Variants in PRKN observed in about 807,000 individuals in gnomAD.
The protein encoded by PRKN is E3 ubiquitin-protein ligase parkin.
In PRKN, 56 loss-of-function variants were observed where a neutral mutation model predicts 59.5. The observed-to-expected ratio is 0.94, with a 90% confidence interval of 0.76 to 1.18. The LOEUF (loss-of-function observed/expected upper bound fraction) is 1.18, where lower values mean the gene tolerates loss of function less well. PRKN is among the 50% of genes most tolerant of loss of function. PRKN has a pLI of 0.00. For missense variants in PRKN, 657 were observed against 596.4 expected (o/e 1.10, Z -1.06); for synonymous variants, 250 against 222.1 (o/e 1.13, Z -1.12).
chr6:161,536,635 T>C (rs1054604176), intron 9 of PRKN, among the ~76,000 whole-genome samples: 2 of 152,198 alleles, frequency 1.3e-5, no homozygotes, highest in African/African-American at 4.8e-5. Flanking sequence ...GCATAGCCTA[T>C]AGAGTCGGTT....
Position 162,368,889 on chromosome 6 carries a change from G to T in PRKN, c.171+74421C>A, listed in dbSNP as rs1241632163. ...GCTCCCTTAGGCTACTTATAATATT[G>T]GCCTAGTTCTCTTAGCTGTCAGCAC... On this transcript the variant is annotated intron_variant, in intron 2 of 11. Coordinates refer to ENST00000366898, the MANE Select transcript of PRKN (RefSeq NM_004562.3). 2.0e-5 allele frequency among the ~76,000 whole-genome samples: 3 copies of T among 152,038 alleles called. No individual in the cohort carries two copies. The East Asian group carries it at 5.8e-4, about 29-fold the overall frequency.
In PRKN at chr6:162,337,694, C is replaced by T. The variant is rs537648448; in HGVS notation, c.172-74929G>A. 6.8e-4 allele frequency among the ~76,000 whole-genome samples: 103 copies of T among 152,240 alleles called. 1 individual carries two copies. Among genetic ancestry groups the T allele is most frequent in the African/African-American group, 1.7e-3 (72 of 41,544 alleles). ...ATCATCATTCCTCCTTGGCCCCATA[C>T]GGGCTGTGAGGACACCTGGGTCTAA... On this transcript the variant is annotated intron_variant, in intron 2 of 11. Coordinates refer to ENST00000366898, the MANE Select transcript of PRKN (RefSeq NM_004562.3).
intron 2 of PRKN, among the ~76,000 whole-genome samples, chr6:162,330,996 A>G (rs935877573): frequency 6.6e-6 from 1 of 152,096 alleles, no homozygotes; most frequent in Admixed American, 6.5e-5. Context: ...ATGCCCAGAT[A>G]TATCGTTTCA....
At chr6:162,408,575 C>T (rs919261905) in intron 2 of PRKN, among the ~76,000 whole-genome samples, 1 of 152,104 alleles carries the variant, frequency 6.6e-6, no homozygotes, top group African/African-American at 2.4e-5. Context: ...AATTTGCAAA[C>T]GTACCACTAA....
intron 7 of PRKN, among the ~76,000 whole-genome samples, chr6:161,689,326 T>A (rs1049446026): frequency 6.6e-6 from 1 of 152,174 alleles, no homozygotes; most frequent in Non-Finnish European, 1.5e-5. Flanking sequence ...ATATTCCATA[T>A]GCCACCTCGT....
At chr6:161,993,599 C>A (rs996868729) in intron 5 of PRKN, among the ~76,000 whole-genome samples, 8 of 152,104 alleles carry the variant, frequency 5.3e-5, no homozygotes, top group African/African-American at 1.7e-4. Flanking sequence ...TTCTACGTGG[C>A]CAGCATTACA....
intron 9 of PRKN, among the ~76,000 whole-genome samples, chr6:161,425,173 G>T (rs1179243866): frequency 6.6e-6 from 1 of 152,046 alleles, no homozygotes; most frequent in Non-Finnish European, 1.5e-5. Context: ...ATCCTGAGAG[G>T]CTCATATAAC....
intron 6 of PRKN, among the ~76,000 whole-genome samples, chr6:161,823,101 ATTT>A (rs543383314): frequency 2.2e-5 from 3 of 138,872 alleles, no homozygotes; most frequent in Admixed American, 7.3e-5. Context: ...TGCCAGGCTA[ATTT>A]TTTTTTTTTT....
intron 4 of PRKN, among the ~76,000 whole-genome samples, chr6:162,174,852 G>A (rs1280584184): frequency 6.6e-6 from 1 of 152,120 alleles, no homozygotes; most frequent in Non-Finnish European, 1.5e-5. Flanking sequence ...AATACTAACT[G>A]CATGCACTTG....
chr6:161,768,956 A>C (rs1789545320), intron 7 of PRKN, among the ~76,000 whole-genome samples: 1 of 152,214 alleles, frequency 6.6e-6, no homozygotes, highest in African/African-American at 2.4e-5. Flanking sequence ...GAAAAAGATT[A>C]GTTTAGAAAA....
At chr6:162,053,561 G>C (rs1383648422) in intron 5 of PRKN, among the ~76,000 whole-genome samples, 2 of 152,106 alleles carry the variant, frequency 1.3e-5, no homozygotes, top group African/African-American at 4.8e-5. Context: ...AGAGAGAAAG[G>C]ATTACAAAGA....
chr6:162,581,383 C>A (rs1378416086), intron 1 of PRKN, among the ~76,000 whole-genome samples: 2 of 152,198 alleles, frequency 1.3e-5, no homozygotes. Flanking sequence ...GTGTCATGGT[C>A]TAACAAGAAA....
chr6:162,656,676 T>C (rs1778654262), intron 1 of PRKN, among the ~76,000 whole-genome samples: 1 of 152,216 alleles, frequency 6.6e-6, no homozygotes, highest in Admixed American at 6.5e-5. Flanking sequence ...GTATTAGTTT[T>C]GAAGAGCACA....
intron 2 of PRKN, among the ~76,000 whole-genome samples, chr6:162,305,005 T>C (rs1409534666): frequency 2.0e-5 from 3 of 152,134 alleles, no homozygotes; most frequent in Admixed American, 6.6e-5. Context: ...CTGAGGACAT[T>C]GTGAGACCTC....
chr6:162,133,324 T>C (rs1781446207), intron 4 of PRKN, among the ~76,000 whole-genome samples: 1 of 152,128 alleles, frequency 6.6e-6, no homozygotes, highest in Non-Finnish European at 1.5e-5. Context: ...ACGCTGCTGA[T>C]GGATTAGATG....
At chr6:162,453,369 AT>A (rs1175648197) in intron 1 of PRKN, among the ~76,000 whole-genome samples, 3 of 151,928 alleles carry the variant, frequency 2.0e-5, no homozygotes, top group African/African-American at 7.3e-5. Flanking sequence ...TTATTCTTTG[AT>A]TAATTCTTCC....
At chr6:161,802,065 T>G (rs1477098351) in intron 6 of PRKN, among the ~76,000 whole-genome samples, 1 of 151,656 alleles carries the variant, frequency 6.6e-6, no homozygotes, top group Non-Finnish European at 1.5e-5. Flanking sequence ...GTTGCAAGAA[T>G]GGAGAGGAGT....
At chr6:161,868,453 T>C (rs1284169464) in intron 6 of PRKN, among the ~76,000 whole-genome samples, 3 of 151,960 alleles carry the variant, frequency 2.0e-5, no homozygotes, top group African/African-American at 4.8e-5. Context: ...TGGTGGTGCA[T>C]GCTTGTAATC....
intron 2 of PRKN, among the ~76,000 whole-genome samples, chr6:162,431,667 C>T (rs1351131223): frequency 1.3e-5 from 2 of 152,296 alleles, no homozygotes; most frequent in East Asian, 3.9e-4. Flanking sequence ...GTTCTCTCAT[C>T]AATCTCTTCT....
Sources: allele counts gnomAD v4.1 joint callset (sites outside exome capture counted in the v4.1 genomes callset), GRCh38; gene constraint gnomAD v4.1.1; transcripts MANE v1.5; gene names NCBI Gene and HGNC (gene_info 2026-07-23, HGNC 2026-07-21).